The following RAI1 variants were observed in gnomAD, a reference collection of about 807,000 sequenced individuals.
The protein encoded by RAI1 is retinoic acid-induced protein 1.
A neutral mutation model predicts 123.8 loss-of-function variants in RAI1; 9 were observed. The ratio of observed to expected loss-of-function variants is 0.07; its 90% CI spans 0.04 to 0.13. RAI1 has a LOEUF of 0.13. RAI1 is among the 10% of genes least tolerant of loss of function. RAI1 has a pLI of 1.00. For synonymous variants in RAI1, 1,231 were observed against 1,127.3 expected (o/e 1.09, Z -1.84); for missense variants, 2,256 against 2,545.8 (o/e 0.89, Z 2.45).
chr17:17,735,419 T>C (rs1916401588), intron 2 of RAI1, among the ~76,000 whole-genome samples: 1 of 148,788 alleles, frequency 6.7e-6, no homozygotes, highest in Non-Finnish European at 1.5e-5. Context: ...AGTGGCGCGA[T>C]CTTGGCTCAC....
chr17:17,788,865 G>T (rs2031921151), intron 2 of RAI1, among the ~76,000 whole-genome samples: 1 of 152,192 alleles, frequency 6.6e-6, no homozygotes, highest in Non-Finnish European at 1.5e-5. Flanking sequence ...TTCGCTGACT[G>T]GGGCCTCAAG....
chr17:17,708,399 C>CATAT (rs533579643), intron 1 of RAI1, among the ~76,000 whole-genome samples: 1 of 141,550 alleles, frequency 7.1e-6, no homozygotes, highest in East Asian at 1.9e-4. Flanking sequence ...CCTCTCTTCT[C>CATAT]ATATATATAT....
chr17:17,723,349 C>A lies in RAI1; in HGVS notation c.-148-679C>A, dbSNP rs886214557. Among the ~76,000 whole-genome samples, 10 of 119,218 alleles carry A rather than the reference C, an allele frequency of 8.4e-5. No homozygotes were observed. In the South Asian group the frequency reaches 2.0e-3, roughly 23 times the overall value. 78.2% of individuals were successfully genotyped at this position (119,218 alleles called of 152,430 possible). A position where few individuals can be genotyped will look rare whatever the true frequency, so the allele number is the denominator to read the frequency against. On this transcript the variant is annotated intron_variant, in intron 1 of 5. Transcript: ENST00000353383. ...CTAGCTTGTATCCAGACCCCCCCCC[C>A]CAAGCCCCGTGACATTCACTCGTAG... is the stretch of plus-strand genomic sequence containing the variant.
intron 2 of RAI1, among the ~76,000 whole-genome samples, chr17:17,772,793 C>G (rs971429071): frequency 6.6e-6 from 1 of 152,166 alleles, no homozygotes; most frequent in African/African-American, 2.4e-5. Context: ...CTCCACGAGG[C>G]TCTGAGCCCA....
chr17:17,796,214 G>A lies in RAI1; in HGVS notation c.3266G>A (p.Arg1089Gln), dbSNP rs1362533720. ...APPDKLGGKQ[R>Q]AAFKSGKRVG... is the part of the protein sequence containing the mutation. ...CCAGACAAACTGGGGGGCAAGCAGCGAGCCGCCTTCAAGTCGGGCAAGCGG... is the reference window on the plus strand; with the variant it reads ...CCAGACAAACTGGGGGGCAAGCAGCAAGCCGCCTTCAAGTCGGGCAAGCGG... The change falls in exon 3 of 6, where the codon CGA becomes CAA. Residue 1089 changes from arginine to glutamine, a missense_variant. By Grantham distance (43) the Arg-to-Gln change is conservative. Transcript: ENST00000353383. This position sits in a 1 kb window ranked among gnomAD's most constrained non-coding sequence, Gnocchi z 5.8. The A allele has an allele frequency of 7.1e-6, 11 of 1,558,606 alleles. No individual in the cohort carries two copies. In the Admixed American group the frequency reaches 7.5e-5, roughly 11 times the overall value.
chr17:17,715,985 G>A lies in RAI1; in HGVS notation c.-148-8043G>A, dbSNP rs564409926. Among the ~76,000 whole-genome samples the A allele has an allele frequency of 2.6e-5, 4 of 152,348 alleles. No individual in the cohort carries two copies. In the East Asian group the frequency reaches 5.8e-4, roughly 22 times the overall value. On this transcript the variant is annotated intron_variant, in intron 1 of 5. Transcript: ENST00000353383. ...ATTTTGCAGATGACAAACTATGGCG[G>A]GGGGAATGGGTTTCCCTTAGCAGAG...
chr17:17,776,531 C>T (rs1047693327), intron 2 of RAI1, among the ~76,000 whole-genome samples: 4 of 152,086 alleles, frequency 2.6e-5, no homozygotes, highest in Non-Finnish European at 1.5e-5. Context: ...TCACCATGCC[C>T]AGTTAATTTT....
At chr17:17,808,662 G>A (rs1208952180) in intron 4 of RAI1, among the ~76,000 whole-genome samples, 2 of 152,000 alleles carry the variant, frequency 1.3e-5, no homozygotes. Flanking sequence ...GCCCAGGCTG[G>A]TCTTGAACTC....
At chr17:17,682,402 G>GCAGGCCC (rs1914462753) in intron 1 of RAI1, 1 of 150,748 alleles carries the variant, frequency 6.6e-6, no homozygotes, top group Non-Finnish European at 1.5e-5. Context: ...AGCGGCCCCC[G>GCAGGCCC]CGACCTGGGG....
At chr17:17,785,499 G>A (rs554369577) in intron 2 of RAI1, among the ~76,000 whole-genome samples, 1 of 152,324 alleles carries the variant, frequency 6.6e-6, no homozygotes, top group African/African-American at 2.4e-5. Flanking sequence ...ATGTGAAACA[G>A]CTCATTGTAC....
chr17:17,779,224 G>A lies in RAI1; in HGVS notation c.-16-13709G>A, dbSNP rs528241613. The A allele has an allele frequency of 2.0e-4, 65 of 323,282 alleles. 1 individual carries two copies. The highest frequency in any genetic ancestry group is 3.1e-4 in the Non-Finnish European group (52 of 165,134). The allele number at this position is 323,282 out of a possible 1,614,324, so 20.0% of individuals were successfully genotyped here. ...AGGCCTGCCTCTGGAGCAGTGGCTG[G>A]CTGGTGGCTGGCTCTCCCCGAAGGT... On this transcript the variant is annotated intron_variant, in intron 2 of 5. Transcript: ENST00000353383.
intron 1 of RAI1, among the ~76,000 whole-genome samples, chr17:17,710,382 T>C (rs1179831537): frequency 1.3e-5 from 2 of 152,168 alleles, no homozygotes; most frequent in Non-Finnish European, 2.9e-5. Context: ...TACGTGGATA[T>C]ACGGCCACAG....
chr17:17,694,848 C>T (rs1490208922), intron 1 of RAI1, among the ~76,000 whole-genome samples: 2 of 151,538 alleles, frequency 1.3e-5, no homozygotes, highest in East Asian at 3.9e-4. Flanking sequence ...GGTGCTGAGG[C>T]CCCGCCCCCT....
intron 2 of RAI1, chr17:17,777,676 G>A (rs1278742436): frequency 6.6e-6 from 1 of 152,284 alleles, no homozygotes; most frequent in Admixed American, 6.5e-5. Context: ...TGAAGGGAAG[G>A]GAAGAGCAAT....
chr17:17,755,048 C>T (rs1387706779), intron 2 of RAI1, among the ~76,000 whole-genome samples: 1 of 152,218 alleles, frequency 6.6e-6, no homozygotes, highest in South Asian at 2.1e-4. Context: ...ACCCCCACAA[C>T]ATTCACACCA....
chr17:17,690,256 G>A (rs1333667434), intron 1 of RAI1, among the ~76,000 whole-genome samples: 1 of 151,934 alleles, frequency 6.6e-6, no homozygotes, highest in Non-Finnish European at 1.5e-5. Context: ...GCGTGGTGGT[G>A]GGCGCCTGTA....
At chr17:17,721,340 C>T (rs770868129) in intron 1 of RAI1, among the ~76,000 whole-genome samples, 3 of 152,136 alleles carry the variant, frequency 2.0e-5, no homozygotes, top group South Asian at 2.1e-4. Context: ...ATTCCAAATA[C>T]GGAAGATACA....
chr17:17,791,279 AGATG>A (rs1488982650), intron 2 of RAI1, among the ~76,000 whole-genome samples: 2 of 152,334 alleles, frequency 1.3e-5, no homozygotes, highest in African/African-American at 4.8e-5. Flanking sequence ...GCTCTCAGGC[AGATG>A]GAGGCCCTCT....
At chr17:17,779,641 A>C (rs1029326551) in intron 2 of RAI1, 3 of 152,176 alleles carry the variant, frequency 2.0e-5, no homozygotes, top group African/African-American at 7.2e-5. Flanking sequence ...CTTAGGCCTC[A>C]TTATCATAAT....
Sources: gnomAD v4.1 joint callset for allele counts (sites outside exome capture counted in the v4.1 genomes callset) on GRCh38, gnomAD v4.1.1 for gene constraint, Gnocchi (gnomAD v3.1) non-coding constraint, MANE v1.5 for transcripts, NCBI Gene and HGNC (gene_info 2026-07-23, HGNC 2026-07-21) for gene names.